TIAM2: variants seen among roughly 807,000 people sequenced by gnomAD.
TIAM2 encodes TIAM Rac1 associated GEF 2.
A neutral mutation model predicts 152.9 loss-of-function variants in TIAM2; 80 were observed. The ratio of observed to expected loss-of-function variants is 0.52; its 90% CI spans 0.44 to 0.63. The LOEUF is 0.63. TIAM2 is among the 30% of genes least tolerant of loss of function. TIAM2 has a pLI of 0.00. For missense variants in TIAM2, 1,965 were observed against 2,120.1 expected (o/e 0.93, Z 1.44); for synonymous variants, 804 against 838.0 (o/e 0.96, Z 0.70).
intron 1 of TIAM2, among the ~76,000 whole-genome samples, chr6:155,045,745 C>G (rs536880291): frequency 6.6e-6 from 1 of 151,588 alleles, no homozygotes; most frequent in Non-Finnish European, 1.5e-5. Context: ...TGCTTTTACC[C>G]CTGTGGGGAG....
At chr6:155,145,911 A>C (rs1211187421) in intron 6 of TIAM2, among the ~76,000 whole-genome samples, 1 of 152,188 alleles carries the variant, frequency 6.6e-6, no homozygotes, top group Non-Finnish European at 1.5e-5. Context: ...TCCTTTTCTT[A>C]ACAGAAAGGT....
intron 2 of TIAM2, among the ~76,000 whole-genome samples, chr6:155,094,966 G>A (rs1043559789): frequency 2.0e-5 from 3 of 152,014 alleles, no homozygotes; most frequent in African/African-American, 7.3e-5. Flanking sequence ...GTCTTCAGAT[G>A]TGACTCATTT....
intron 1 of TIAM2, among the ~76,000 whole-genome samples, chr6:155,016,669 C>G (rs146977268): frequency 6.7e-6 from 1 of 149,040 alleles, no homozygotes; most frequent in Non-Finnish European, 1.5e-5. Context: ...GAGGCCAAGG[C>G]GGGTGGATTG....
At chr6:155,141,823 C>T (rs941433226) in intron 5 of TIAM2, among the ~76,000 whole-genome samples, 3 of 152,142 alleles carry the variant, frequency 2.0e-5, no homozygotes, top group African/African-American at 7.2e-5. Context: ...TCAAAAGGGT[C>T]TCATAGAAAA....
At chr6:155,076,133 T>A (rs1035758229) in intron 1 of TIAM2, among the ~76,000 whole-genome samples, 1 of 152,114 alleles carries the variant, frequency 6.6e-6, no homozygotes, top group South Asian at 2.1e-4. Flanking sequence ...GTCATGTTGG[T>A]GCTCAAAAAG....
intron 2 of TIAM2, among the ~76,000 whole-genome samples, chr6:155,116,958 A>C (rs1028851769): frequency 2.0e-5 from 3 of 151,898 alleles, no homozygotes; most frequent in African/African-American, 7.3e-5. Flanking sequence ...AGGACCACGA[A>C]GTTTATAGAG....
chr6:155,254,695 C>A, intron 26 of TIAM2, 122 bp downstream of exon 26: 1 of 1,285,088 alleles, frequency 7.8e-7, no homozygotes, highest in Admixed American at 2.3e-5. Flanking sequence ...ACCTTTATCT[C>A]CTTTTAAGAA....
chr6:155,023,816 T>G (rs969027695), intron 1 of TIAM2, among the ~76,000 whole-genome samples: 1 of 152,186 alleles, frequency 6.6e-6, no homozygotes, highest in Non-Finnish European at 1.5e-5. Flanking sequence ...AACCACTTGT[T>G]GAGCCGCAGA....
At chr6:155,150,027 A>G (rs1323773557) in intron 7 of TIAM2, among the ~76,000 whole-genome samples, 2 of 152,120 alleles carry the variant, frequency 1.3e-5, no homozygotes, top group Non-Finnish European at 2.9e-5. Flanking sequence ...GGAATAATGT[A>G]TCAATTGGCA....
chr6:155,231,576 G>A (rs754146033), intron 15 of TIAM2, among the ~76,000 whole-genome samples: 22 of 152,312 alleles, frequency 1.4e-4, no homozygotes, highest in South Asian at 2.1e-4. Context: ...GGAGCATGCC[G>A]GTCCAGGAGA....
intron 9 of TIAM2, among the ~76,000 whole-genome samples, chr6:155,172,857 T>C (rs1323706134): frequency 6.6e-6 from 1 of 151,210 alleles, no homozygotes; most frequent in Non-Finnish European, 1.5e-5. Context: ...AAAAGAGTTT[T>C]CCAGATGGCT....
chr6:155,045,825 T>C (rs549607880), intron 1 of TIAM2, among the ~76,000 whole-genome samples: 34 of 144,640 alleles, frequency 2.4e-4, no homozygotes, highest in Admixed American at 4.2e-4. Flanking sequence ...ATTTTTTTCT[T>C]GGACATAGTG....
intron 1 of TIAM2, among the ~76,000 whole-genome samples, chr6:155,032,307 A>G (rs1368119666): frequency 6.6e-6 from 1 of 152,206 alleles, no homozygotes; most frequent in Non-Finnish European, 1.5e-5. Flanking sequence ...TGCCACTCAC[A>G]GTGTGGTTCA....
At chr6:155,048,679 G>T (rs1343889060) in intron 1 of TIAM2, among the ~76,000 whole-genome samples, 1 of 152,172 alleles carries the variant, frequency 6.6e-6, no homozygotes, top group East Asian at 1.9e-4. Flanking sequence ...AGGACTGTGG[G>T]AGAATTTGGT....
chr6:155,177,067 A>G, intron 10 of TIAM2, 90 bp downstream of exon 10: 2 of 1,341,222 alleles, frequency 1.5e-6, no homozygotes, highest in Middle Eastern at 3.8e-4. Flanking sequence ...GTGATATTCA[A>G]GGGCCCAGTT....
intron 2 of TIAM2, among the ~76,000 whole-genome samples, chr6:155,118,182 T>G (rs4870355): frequency 0.43 from 65,107 of 151,870 alleles, 15,837 homozygotes; most frequent in East Asian, 0.66. Context: ...TCCCTCAGCC[T>G]GCCTTTTCCC....
chr6:155,217,406 G>T (rs2115230644), intron 15 of TIAM2, among the ~76,000 whole-genome samples: 1 of 152,228 alleles, frequency 6.6e-6, no homozygotes, highest in South Asian at 2.1e-4. Flanking sequence ...AAAGATATCA[G>T]AAAGGCCTAG....
At chr6:155,109,981 A>C in intron 2 of TIAM2, among the ~76,000 whole-genome samples, 1 of 140,538 alleles carries the variant, frequency 7.1e-6, no homozygotes, top group Non-Finnish European at 1.5e-5. Flanking sequence ...ACAGAGTCTC[A>C]CTCTTTTACC....
At chr6:155,254,768 G>C in intron 26 of TIAM2, 195 bp downstream of exon 26, 1 of 613,798 alleles carries the variant, frequency 1.6e-6, no homozygotes, top group Non-Finnish European at 2.7e-6. Flanking sequence ...CCAACCCCCA[G>C]TCCCTTGTCT....
Sources: allele counts gnomAD v4.1 joint callset (sites outside exome capture counted in the v4.1 genomes callset), GRCh38; gene constraint gnomAD v4.1.1; transcripts MANE v1.5; gene names NCBI Gene and HGNC (gene_info 2026-07-23, HGNC 2026-07-21).